The following FHIT variants were observed in gnomAD, a reference collection of about 807,000 sequenced individuals.
FHIT encodes the protein bis(5'-adenosyl)-triphosphatase.
A neutral mutation model predicts 17.9 loss-of-function variants in FHIT; 19 were observed. The ratio of observed to expected loss-of-function variants is 1.06; its 90% CI spans 0.74 to 1.56. The LOEUF (loss-of-function observed/expected upper bound fraction) is 1.56, where lower values mean the gene tolerates loss of function less well. Among genes scored for constraint, FHIT ranks in the 40% most tolerant of loss-of-function variants. The probability of loss-of-function intolerance (pLI) is 0.00; values close to 1 mark genes in which losing one functional copy is unlikely to be tolerated. For missense variants in FHIT, 248 were observed against 189.2 expected (o/e 1.31, Z -1.82); for synonymous variants, 81 against 69.7 (o/e 1.16, Z -0.81).
At chr3:59,963,203 T>G (rs1038518) in intron 7 of FHIT, among the ~76,000 whole-genome samples, 1 of 151,742 alleles carries the variant, frequency 6.6e-6, no homozygotes, top group African/African-American at 2.4e-5. Flanking sequence ...GGAGGTGGAG[T>G]TCGCAATGAG....
At chr3:60,345,354 C>T (rs914237863) in intron 5 of FHIT, among the ~76,000 whole-genome samples, 1 of 152,134 alleles carries the variant, frequency 6.6e-6, no homozygotes, top group African/African-American at 2.4e-5. Context: ...TGGTCTACAG[C>T]TTACTGTCAA....
intron 5 of FHIT, among the ~76,000 whole-genome samples, chr3:60,139,826 A>AT (rs1699962325): frequency 6.8e-6 from 1 of 146,504 alleles, no homozygotes; most frequent in African/African-American, 2.7e-5. Context: ...TTATTAAAAA[A>AT]AAAAAATGGT....
At chr3:61,115,323 G>A (rs1295309139) in intron 2 of FHIT, among the ~76,000 whole-genome samples, 1 of 152,124 alleles carries the variant, frequency 6.6e-6, no homozygotes, top group Non-Finnish European at 1.5e-5. Flanking sequence ...ACCATGTGAA[G>A]GAGGTATCAC....
At chr3:60,810,738 T>A (rs530412692) in intron 4 of FHIT, among the ~76,000 whole-genome samples, 106 of 124,662 alleles carry the variant, frequency 8.5e-4, no homozygotes, top group African/African-American at 3.4e-3. Flanking sequence ...AATATAGATA[T>A]TTAAAGTTCT....
rs529768266 is a variant in FHIT at position 60,702,296 on chromosome 3, T to A, written c.-18+119623A>T. Among the ~76,000 whole-genome samples, 36 of 152,290 alleles carry A rather than the reference T, an allele frequency of 2.4e-4. No homozygotes were observed. In the South Asian group the frequency reaches 6.2e-3, roughly 26 times the overall value. ...ACAGTAACTTTATATTACATTTTAATGTTTAGAAGAAAAAGTAAAAATGAA... is the reference window on the plus strand; with the variant it reads ...ACAGTAACTTTATATTACATTTTAAAGTTTAGAAGAAAAAGTAAAAATGAA... On this transcript the variant is annotated intron_variant, in intron 4 of 9. Transcript: ENST00000492590.
intron 5 of FHIT, among the ~76,000 whole-genome samples, chr3:60,249,903 G>A (rs1179265724): frequency 1.3e-5 from 2 of 152,044 alleles, no homozygotes; most frequent in Admixed American, 6.6e-5. Flanking sequence ...CACCTTACAT[G>A]GCAGCAGGAA....
At chr3:60,922,235 C>T (rs1279691384) in intron 3 of FHIT, among the ~76,000 whole-genome samples, 3 of 152,308 alleles carry the variant, frequency 2.0e-5, no homozygotes, top group Non-Finnish European at 4.4e-5. Context: ...TAATTATTCC[C>T]GACTTGCTTG....
chr3:60,766,961 C>G (rs1699876172), intron 4 of FHIT, among the ~76,000 whole-genome samples: 1 of 152,170 alleles, frequency 6.6e-6, no homozygotes, highest in African/African-American at 2.4e-5. Context: ...GTGGCATGCT[C>G]AATCTCCTTT....
chr3:60,371,842 G>GTT lies in FHIT; in HGVS notation c.103+165016_103+165017dup, dbSNP rs10576261. The stretch of plus-strand genomic sequence containing the variant: ...CCTCATTTTAGCAGATTTTTGTGGG[G>GTT]TTTTTTTTTTTTTTTTAGCTCAAAA... On this transcript the variant is annotated intron_variant, in intron 5 of 9. Coordinates refer to ENST00000492590, the MANE Select transcript of FHIT (RefSeq NM_002012.4). Among the ~76,000 whole-genome samples, 1,029 of 142,998 alleles carry GTT rather than the reference G, an allele frequency of 7.2e-3. 11 individuals carry two copies. The highest frequency in any genetic ancestry group is 0.017 in the African/African-American group (657 of 39,428). 93.8% of individuals were successfully genotyped at this position (142,998 alleles called of 152,430 possible).
intron 5 of FHIT, among the ~76,000 whole-genome samples, chr3:60,381,620 T>C (rs2107114455): frequency 6.6e-6 from 1 of 152,346 alleles, no homozygotes; most frequent in East Asian, 1.9e-4. Flanking sequence ...ATATCTGCAT[T>C]GACTGCCAAT....
intron 3 of FHIT, among the ~76,000 whole-genome samples, chr3:60,824,839 C>A (rs990957815): frequency 5.3e-5 from 8 of 152,144 alleles, no homozygotes; most frequent in Non-Finnish European, 1.0e-4. Flanking sequence ...TCCTTGCCTT[C>A]CACCATGATT....
Position 61,049,866 on chromosome 3 carries a change from A to G in FHIT, c.-163-7767T>C, listed in dbSNP as rs2033961322. Among the ~76,000 whole-genome samples, 6 of 152,276 alleles carry G rather than the reference A, an allele frequency of 3.9e-5. No individual in the cohort carries two copies. In the South Asian group the frequency reaches 1.2e-3, roughly 32 times the overall value. ...GTCCCCTGGAGCAGGTCATAAGACCATTTTAGAGGTGCCCTCCTTATACAT... is the reference window on the plus strand; with the variant it reads ...GTCCCCTGGAGCAGGTCATAAGACCGTTTTAGAGGTGCCCTCCTTATACAT... On this transcript the variant is annotated intron_variant, in intron 2 of 9. Transcript: ENST00000492590.
chr3:60,436,653 T>A (rs1476793322), intron 5 of FHIT, among the ~76,000 whole-genome samples: 1 of 152,138 alleles, frequency 6.6e-6, no homozygotes, highest in Non-Finnish European at 1.5e-5. Context: ...TTTTATTAAA[T>A]CATGAATGTA....
intron 3 of FHIT, among the ~76,000 whole-genome samples, chr3:60,860,102 T>A (rs1468378054): frequency 1.4e-5 from 2 of 147,864 alleles, no homozygotes; most frequent in Non-Finnish European, 1.5e-5. Context: ...ATATGATATA[T>A]CTGATATATG....
At chr3:60,117,809 A>G (rs1343727545) in intron 5 of FHIT, among the ~76,000 whole-genome samples, 1 of 151,920 alleles carries the variant, frequency 6.6e-6, no homozygotes, top group African/African-American at 2.4e-5. Flanking sequence ...AAAGGAAAAA[A>G]AAATCCCCTG....
At chr3:60,413,323 G>A (rs1230803145) in intron 5 of FHIT, among the ~76,000 whole-genome samples, 1 of 152,222 alleles carries the variant, frequency 6.6e-6, no homozygotes, top group Non-Finnish European at 1.5e-5. Context: ...TAGACATGGA[G>A]TTAGGGTGAG....
intron 1 of FHIT, among the ~76,000 whole-genome samples, chr3:61,211,187 G>A (rs558279781): frequency 7.6e-4 from 116 of 151,978 alleles, no homozygotes; most frequent in African/African-American, 1.9e-3. Context: ...TGCACAAGCC[G>A]AAGCAGGGTG....
chr3:60,032,062 G>T (rs553338122), intron 5 of FHIT, among the ~76,000 whole-genome samples: 1 of 151,976 alleles, frequency 6.6e-6, no homozygotes, highest in Non-Finnish European at 1.5e-5. Context: ...CAATTATGAT[G>T]GTCATTATAG....
chr3:59,897,957 C>T (rs987061277), intron 8 of FHIT, among the ~76,000 whole-genome samples: 1 of 151,872 alleles, frequency 6.6e-6, no homozygotes, highest in Non-Finnish European at 1.5e-5. Context: ...TTAGTAGAGA[C>T]GGGGTTTCGC....
Sources: allele counts gnomAD v4.1 joint callset (sites outside exome capture counted in the v4.1 genomes callset), GRCh38; gene constraint gnomAD v4.1.1; transcripts MANE v1.5; gene names NCBI Gene and HGNC (gene_info 2026-07-23, HGNC 2026-07-21).